Variants in ZP3 observed in about 807,000 individuals in gnomAD.
ZP3 encodes zona pellucida sperm-binding protein 3.
In ZP3, 21 loss-of-function variants were observed where a neutral mutation model predicts 35.6. The observed-to-expected ratio is 0.59, with a 90% CI of 0.42 to 0.85. ZP3 has a LOEUF of 0.85. Ranked by LOEUF, ZP3 falls within the 40% of genes least tolerant of loss-of-function variation. The probability of loss-of-function intolerance (pLI) is 0.00; values close to 1 mark genes in which losing one functional copy is unlikely to be tolerated. For missense variants in ZP3, 437 were observed against 536.5 expected (o/e 0.81, Z 1.83); for synonymous variants, 207 against 214.5 (o/e 0.96, Z 0.31).
At chr7:76,404,749 T>C (rs1445371883) in intron 1 of ZP3, among the ~76,000 whole-genome samples, 1 of 150,714 alleles carries the variant, frequency 6.6e-6, no homozygotes, top group East Asian at 2.0e-4. Context: ...CTGGGTAACA[T>C]GGCGAAAACC....
chr7:76,421,294 T>A (rs1342733414), upstream of ZP3, among the ~76,000 whole-genome samples: 1 of 151,830 alleles, frequency 6.6e-6, no homozygotes, highest in Non-Finnish European at 1.5e-5. Context: ...TGCAGTAGCA[T>A]GATCATGACT....
At chr7:76,411,117 C>T (rs557110655) in intron 1 of ZP3, among the ~76,000 whole-genome samples, 1 of 152,276 alleles carries the variant, frequency 6.6e-6, no homozygotes, top group African/African-American at 2.4e-5. Flanking sequence ...CCTCCCCTGG[C>T]CTGGGGAAGC....
chr7:76,415,471 A>C (rs2115850263), intron 1 of ZP3, among the ~76,000 whole-genome samples: 1 of 149,206 alleles, frequency 6.7e-6, no homozygotes, highest in Non-Finnish European at 1.5e-5. Context: ...TTTGATTCTT[A>C]TTTTAGATTT....
At position 76,433,096 on chromosome 7, in the gene ZP3, G is replaced by C. The variant is rs952059432; in HGVS notation, c.535+66G>C. ...TGGGCCATCTCAGACCCCTGCCCTT[G>C]GCTGTGTCTTTTTTTTGTTTGTTTG... On this transcript the variant is annotated intron_variant, in intron 3 of 7. Coordinates refer to ENST00000394857, the MANE Select transcript of ZP3 (RefSeq NM_001110354.2). 155 of 1,193,420 alleles carry C rather than the reference G, an allele frequency of 1.3e-4. 1 individual carries two copies. In the African/African-American group the frequency reaches 2.3e-3, roughly 18 times the overall value. 73.9% of individuals were successfully genotyped at this position (1,193,420 alleles called of 1,614,324 possible).
chr7:76,419,731 C>A (rs1284092914), intron 1 of ZP3, among the ~76,000 whole-genome samples: 1 of 148,270 alleles, frequency 6.7e-6, no homozygotes, highest in East Asian at 2.0e-4. Context: ...CCCTCTATCT[C>A]TTTCTTTCTT....
chr7:76,433,172 T>G, intron 3 of ZP3, 142 bp downstream of exon 3: 3 of 786,262 alleles, frequency 3.8e-6, no homozygotes, highest in Non-Finnish European at 6.1e-6. Flanking sequence ...TGGTTGGTTT[T>G]TGAGACAGTC....
rs191940989 is a variant in ZP3, at chr7:76,432,645, C to T, written c.432-282C>T. Among the ~76,000 whole-genome samples, 780 of 152,246 alleles carry T rather than the reference C, an allele frequency of 5.1e-3. 7 individuals are homozygous for T. The highest frequency in any genetic ancestry group is 1.0e-2 in the Admixed American group (152 of 15,272). ...GGCTCAAGAGGGAGCAGATCTCAGT[C>T]TAGAAACCAAACTCCTAGGTTCAGC... On this transcript the variant is annotated intron_variant, in intron 2 of 7. Transcript: ENST00000394857.
chr7:76,406,712 C>A (rs537167990), intron 1 of ZP3, among the ~76,000 whole-genome samples: 39 of 151,508 alleles, frequency 2.6e-4, no homozygotes, highest in African/African-American at 9.2e-4. Context: ...TCAGGCTGGT[C>A]TCAAACTCCT....
At chr7:76,398,899 C>T (rs1477602179) in intron 1 of ZP3, 1 of 1,201,948 alleles carries the variant, frequency 8.3e-7, no homozygotes, top group Admixed American at 2.1e-5. Context: ...GTGCTTGCCG[C>T]CAGAGCCTCT....
intron 5 of ZP3, among the ~76,000 whole-genome samples, chr7:76,439,146 A>AC (rs1233972810): frequency 6.4e-4 from 34 of 52,964 alleles, no homozygotes; most frequent in Non-Finnish European, 1.3e-3. Flanking sequence ...AAAAAAAAAA[A>AC]AAAAACCTCT....
chr7:76,437,470 C>CTTTTTTT (rs71521129), intron 5 of ZP3, among the ~76,000 whole-genome samples: 1 of 134,878 alleles, frequency 7.4e-6, no homozygotes. Context: ...ACACTCCCCT[C>CTTTTTTT]TTTTTTTTTT....
intron 1 of ZP3, among the ~76,000 whole-genome samples, chr7:76,409,122 G>A (rs764640758): frequency 6.6e-6 from 1 of 152,100 alleles, no homozygotes; most frequent in Non-Finnish European, 1.5e-5. Flanking sequence ...AGACCCTTGA[G>A]GGTGGAAACC....
chr7:76,412,961 TC>T (rs1469480968), intron 1 of ZP3, among the ~76,000 whole-genome samples: 112 of 98,588 alleles, frequency 1.1e-3, no homozygotes, highest in African/African-American at 4.3e-3. Flanking sequence ...TTCTTCTTCT[TC>T]TTCTTTTTTT....
upstream of ZP3, among the ~76,000 whole-genome samples, chr7:76,423,077 A>AAGAG (rs1805562458): frequency 4.2e-5 from 6 of 143,878 alleles, no homozygotes; most frequent in Non-Finnish European, 7.6e-5. Context: ...GAAAGAAAGA[A>AAGAG]AGAAAGAAAA....
At chr7:76,419,674 TC>T (rs1805459034) in intron 1 of ZP3, among the ~76,000 whole-genome samples, 1 of 139,956 alleles carries the variant, frequency 7.1e-6, no homozygotes, top group Admixed American at 7.3e-5. Context: ...TTTCTTTCTT[TC>T]TTTCGTTCTC....
At chr7:76,426,344 C>T (rs546188407) in intron 1 of ZP3, among the ~76,000 whole-genome samples, 1 of 152,280 alleles carries the variant, frequency 6.6e-6, no homozygotes, top group African/African-American at 2.4e-5. Flanking sequence ...AACCCTGATC[C>T]CTGGACCAAG....
At chr7:76,422,193 G>A (rs7804952), upstream of ZP3, among the ~76,000 whole-genome samples, 14,071 of 151,300 alleles carry the variant, frequency 0.093, 1,341 homozygotes, top group African/African-American at 0.24. Context: ...CACTACGCCC[G>A]GCCAATACTA....
At chr7:76,431,530 T>C (rs1046347797) in intron 2 of ZP3, among the ~76,000 whole-genome samples, 1 of 152,186 alleles carries the variant, frequency 6.6e-6, no homozygotes, top group Non-Finnish European at 1.5e-5. Context: ...CCTGCTTCCA[T>C]GGACTTCCCA....
At chr7:76,406,557 C>G (rs577993804) in intron 1 of ZP3, among the ~76,000 whole-genome samples, 1 of 152,016 alleles carries the variant, frequency 6.6e-6, no homozygotes, top group East Asian at 1.9e-4. Flanking sequence ...GATCATGGCT[C>G]ACTGCAACCT....
Sources: gnomAD v4.1 joint callset for allele counts (sites outside exome capture counted in the v4.1 genomes callset) on GRCh38, gnomAD v4.1.1 for gene constraint, MANE v1.5 for transcripts, NCBI Gene and HGNC (gene_info 2026-07-23, HGNC 2026-07-21) for gene names.